The following PEX5L variants were observed in gnomAD, a reference collection of about 807,000 sequenced individuals.
PEX5L encodes the protein peroxisomal biogenesis factor 5 like, also known as PEX5-related protein.
PEX5L carries 30 observed loss-of-function variants against 84.0 expected under a neutral mutation model. The observed-to-expected ratio is 0.36, with a 90% confidence interval of 0.27 to 0.48. The LOEUF (loss-of-function observed/expected upper bound fraction) is 0.48, where lower values mean the gene tolerates loss of function less well. PEX5L is among the 20% of genes least tolerant of loss of function. The pLI, the probability that PEX5L is intolerant of heterozygous loss-of-function variation, is 0.99. For missense variants in PEX5L, 533 were observed against 754.6 expected, an observed-to-expected ratio of 0.71 and a Z score of 3.44; for synonymous variants, 270 against 283.1, an observed-to-expected ratio of 0.95 and a Z score of 0.46.
intron 2 of PEX5L, among the ~76,000 whole-genome samples, chr3:179,910,668 C>T (rs908015669): frequency 2.6e-5 from 4 of 152,106 alleles, no homozygotes; most frequent in Non-Finnish European, 5.9e-5. Flanking sequence ...CAGCCTGACT[C>T]GTTTCAACTT....
chr3:179,870,812 A>G (rs973149000), intron 7 of PEX5L, among the ~76,000 whole-genome samples: 1 of 152,208 alleles, frequency 6.6e-6, no homozygotes, highest in African/African-American at 2.4e-5. Flanking sequence ...TCAAATTCTC[A>G]AAACTTCCAG....
chr3:179,973,974 G>A (rs1449950833), intron 1 of PEX5L: 1 of 985,308 alleles, frequency 1.0e-6, no homozygotes, highest in Non-Finnish European at 1.2e-6. Flanking sequence ...ACCCCGGGGG[G>A]ATTAATCCTT....
At chr3:179,806,908 G>T (rs1381142451) in intron 14 of PEX5L, among the ~76,000 whole-genome samples, 1 of 141,706 alleles carries the variant, frequency 7.1e-6, no homozygotes, top group Non-Finnish European at 1.5e-5. Flanking sequence ...AATGAGAAAG[G>T]GTTTACATCT....
chr3:179,996,362 T>G (rs576790313), intron 1 of PEX5L, among the ~76,000 whole-genome samples: 31 of 152,286 alleles, frequency 2.0e-4, no homozygotes, highest in African/African-American at 7.0e-4. Flanking sequence ...TTGGGCCCAC[T>G]AAGTAGGGAC....
In PEX5L at chr3:179,798,032, T is replaced by A. The variant is rs1411932020; in HGVS notation, c.*3796A>T. On this transcript the variant is annotated 3_prime_UTR_variant, in exon 15 of 15. Coordinates refer to ENST00000467460, the MANE Select transcript of PEX5L (RefSeq NM_016559.3). Reference sequence around the variant, plus strand: ...ATGATAAAGAGTTTGGAAGCTTTTATTATAAAAGTGGGACTAGCTACAACT... The same window carrying A: ...ATGATAAAGAGTTTGGAAGCTTTTAATATAAAAGTGGGACTAGCTACAACT... 1 of 152,224 alleles carries A rather than the reference T, an allele frequency of 6.6e-6. No individual in the cohort carries two copies. The highest frequency in any genetic ancestry group is 1.5e-5 in the Non-Finnish European group (1 of 68,026). 9.4% of individuals were successfully genotyped at this position (152,224 alleles called of 1,614,324 possible). A position where few individuals can be genotyped will look rare whatever the true frequency, so the allele number is the denominator to read the frequency against.
At chr3:180,021,757 C>T (rs1171593426) in intron 1 of PEX5L, among the ~76,000 whole-genome samples, 1 of 152,124 alleles carries the variant, frequency 6.6e-6, no homozygotes, top group Admixed American at 6.5e-5. Context: ...TACAGGTAGT[C>T]AGTTAGTGAG....
intron 8 of PEX5L, among the ~76,000 whole-genome samples, chr3:179,828,431 G>A (rs959014532): frequency 1.3e-5 from 2 of 152,006 alleles, no homozygotes; most frequent in African/African-American, 2.4e-5. Flanking sequence ...CACATTTCTA[G>A]AAGCAGCAAC....
chr3:179,857,065 A>G (rs1466987381), intron 8 of PEX5L, among the ~76,000 whole-genome samples: 1 of 152,216 alleles, frequency 6.6e-6, no homozygotes, highest in Non-Finnish European at 1.5e-5. Flanking sequence ...GGTTTGCTGA[A>G]TGAATAACTA....
chr3:179,941,911 C>A (rs1259544403), intron 2 of PEX5L, among the ~76,000 whole-genome samples: 1 of 146,808 alleles, frequency 6.8e-6, no homozygotes, highest in African/African-American at 2.5e-5. Flanking sequence ...ATCCCAGCTA[C>A]TTGGGAGGCT....
intron 8 of PEX5L, among the ~76,000 whole-genome samples, chr3:179,850,854 A>G (rs1425873489): frequency 6.6e-6 from 1 of 152,224 alleles, no homozygotes; most frequent in Non-Finnish European, 1.5e-5. Context: ...ATAGAAAGCA[A>G]AAGAAAATTT....
rs1216439027 is a variant in PEX5L at position 179,852,220 on chromosome 3, G to A, written c.822+6842C>T. ...GGGCCTGCAGTCATCCCAAGGTAGG[G>A]TCTGGAGAATCCATTCGCAAGATAG... is the stretch of plus-strand genomic sequence containing the variant. On this transcript the variant is annotated intron_variant, in intron 8 of 14. Coordinates refer to ENST00000467460, the MANE Select transcript of PEX5L (RefSeq NM_016559.3). Among the ~76,000 whole-genome samples, 4 of 152,284 alleles carry A rather than the reference G, an allele frequency of 2.6e-5. No individual in the cohort carries two copies. The East Asian group carries it at 7.7e-4, about 29-fold the overall frequency.
chr3:179,954,287 T>C (rs1779953971), intron 2 of PEX5L, among the ~76,000 whole-genome samples: 2 of 152,104 alleles, frequency 1.3e-5, no homozygotes, highest in South Asian at 4.1e-4. Flanking sequence ...AATAAGCCAT[T>C]TGATTTTTCT....
chr3:180,000,103 CTT>C (rs939788658), intron 1 of PEX5L, among the ~76,000 whole-genome samples: 4 of 152,162 alleles, frequency 2.6e-5, no homozygotes, highest in African/African-American at 9.7e-5. Context: ...ATTTTTGCTT[CTT>C]GTTTCCATGA....
chr3:179,887,741 G>C lies in PEX5L; in HGVS notation c.242C>G (p.Ser81Cys), dbSNP rs780630456. 65 of 1,613,884 alleles carry C rather than the reference G, an allele frequency of 4.0e-5. No individual in the cohort carries two copies. Among genetic ancestry groups the C allele is most frequent in the Non-Finnish European group, 5.3e-5 (63 of 1,179,886 alleles). Residue 81 changes from serine (S) to cysteine (C), a missense_variant, in exon 4 of 15, where the codon TCC becomes TGC. This residue lies in a region of PEX5L where 259 missense variants were observed against 301.7 expected (regional missense o/e 0.86). Coordinates refer to ENST00000467460, the MANE Select transcript of PEX5L (RefSeq NM_016559.3). ...GGTTTCACAGAGAAAGTCATCGATG[G>C]AGGGACTCAGGAGGGGTCTGCTTTC... ...QQESRPLLSP[S>C]IDDFLCETKS... is the part of the protein sequence containing the mutation.
chr3:179,892,240 A>G (rs552741114), intron 3 of PEX5L, among the ~76,000 whole-genome samples: 9 of 152,198 alleles, frequency 5.9e-5, no homozygotes, highest in Non-Finnish European at 1.0e-4. Context: ...CCTCTTCTCA[A>G]TATTTGGATC....
At chr3:180,035,157 G>A (rs1227294073) in intron 1 of PEX5L, among the ~76,000 whole-genome samples, 1 of 152,060 alleles carries the variant, frequency 6.6e-6, no homozygotes, top group Non-Finnish European at 1.5e-5. Context: ...TTACCCTTGT[G>A]AAGAAACTGT....
rs541979219 is a variant in PEX5L, at chr3:179,818,853, T to C, written c.939+1007A>G. 3.2e-4 allele frequency among the ~76,000 whole-genome samples: 49 copies of C among 151,818 alleles called. No homozygotes were observed. The East Asian group carries it at 4.5e-3, about 14-fold the overall frequency. ...ACCACATTTTCTTTTCTTTTCTTTT[T>C]TTTTTTTTTAAGACAGGGTCTCATT... On this transcript the variant is annotated intron_variant, in intron 9 of 14. Coordinates refer to ENST00000467460, the MANE Select transcript of PEX5L (RefSeq NM_016559.3).
chr3:179,991,859 G>C (rs765818131), intron 1 of PEX5L, among the ~76,000 whole-genome samples: 3 of 152,060 alleles, frequency 2.0e-5, no homozygotes, highest in Non-Finnish European at 2.9e-5. Flanking sequence ...TAAATCATAG[G>C]TAGACATAAC....
chr3:179,987,115 A>G lies in PEX5L; in HGVS notation c.22-15450T>C, dbSNP rs985195885. On this transcript the variant is annotated intron_variant, in intron 1 of 14. Coordinates refer to ENST00000467460, the MANE Select transcript of PEX5L (RefSeq NM_016559.3). ...TCATTTGGGAATAATAACAAAACCC[A>G]GCTCCTTCAGTTGTTAAGAAAAAAA... is the stretch of plus-strand genomic sequence containing the variant. Among the ~76,000 whole-genome samples the G allele has an allele frequency of 1.1e-4, 16 of 152,152 alleles. 2 individuals are homozygous for G. The highest frequency in any genetic ancestry group is 3.6e-4 in the African/African-American group (15 of 41,468).
Sources: allele counts gnomAD v4.1 joint callset (sites outside exome capture counted in the v4.1 genomes callset), GRCh38; gene constraint gnomAD v4.1.1; regional missense constraint gnomAD v4.1.1; transcripts MANE v1.5; gene names NCBI Gene and HGNC (gene_info 2026-07-23, HGNC 2026-07-21).